Variants in FANCD2 observed in about 807,000 individuals in gnomAD.
FANCD2 encodes the protein FA complementation group D2, also known as Fanconi anemia group D2 protein.
A neutral mutation model predicts 192.3 loss-of-function variants in FANCD2; 131 were observed. That is an observed-to-expected ratio of 0.68 (90% CI 0.59 to 0.79). The LOEUF (loss-of-function observed/expected upper bound fraction) is 0.79, where lower values mean the gene tolerates loss of function less well. FANCD2 is among the 30% of genes least tolerant of loss of function. The pLI is 0.00. For missense variants in FANCD2, 1,508 were observed against 1,701.6 expected (o/e 0.89, Z 2.00); for synonymous variants, 524 against 612.5 (o/e 0.86, Z 2.13).
rs112051825 is a variant in FANCD2, at chr3:10,054,181, C to T, written c.1656+1684C>T. Among the ~76,000 whole-genome samples the T allele has an allele frequency of 5.3e-5, 8 of 151,340 alleles. 1 individual carries two copies. Among genetic ancestry groups the T allele is most frequent in the African/African-American group, 1.9e-4 (8 of 41,156 alleles). ...AAGCCATGTTTGTGCCACTGCACTC[C>T]AGCCAGGGCAACAGAGTGAGACTCT... is the stretch of plus-strand genomic sequence containing the variant. On this transcript the variant is annotated intron_variant, in intron 18 of 43. Coordinates refer to ENST00000675286, the MANE Select transcript of FANCD2 (RefSeq NM_001018115.3).
intron 26 of FANCD2, among the ~76,000 whole-genome samples, chr3:10,069,597 G>C (rs959380016): frequency 1.3e-5 from 2 of 151,464 alleles, no homozygotes; most frequent in East Asian, 1.9e-4. Flanking sequence ...GAGTGCCTGC[G>C]ATTGCAGGCG....
chr3:10,050,167 A>G (rs1026932010), intron 17 of FANCD2, among the ~76,000 whole-genome samples: 24 of 152,204 alleles, frequency 1.6e-4, no homozygotes, highest in Admixed American at 1.3e-4. Flanking sequence ...TCTACTCAGC[A>G]TTGAGAGATA....
At chr3:10,095,152 A>C (rs1241953006) in intron 40 of FANCD2, 48 bp from the exon 41 acceptor site, 1 of 1,498,220 alleles carries the variant, frequency 6.7e-7, no homozygotes, top group Admixed American at 1.7e-5. Flanking sequence ...TGAATCTAAA[A>C]TGAAATCAGG....
intron 32 of FANCD2, among the ~76,000 whole-genome samples, chr3:10,083,308 A>T (rs1455181423): frequency 2.0e-5 from 3 of 152,226 alleles, no homozygotes; most frequent in Admixed American, 6.5e-5. Flanking sequence ...AAAAACAATT[A>T]AAATAAATAC....
intron 33 of FANCD2, 49 bp downstream of exon 33, chr3:10,085,971 G>C (rs764876175): frequency 1.7e-5 from 22 of 1,295,332 alleles, no homozygotes; most frequent in Admixed American, 1.5e-4. Flanking sequence ...AAACTCCTAG[G>C]AACAGGATTG....
chr3:10,036,086 CTTT>C (rs532765216), intron 6 of FANCD2, among the ~76,000 whole-genome samples, 198 bp from the exon 7 acceptor site: 7 of 102,574 alleles, frequency 6.8e-5, no homozygotes, highest in East Asian at 2.4e-4. Flanking sequence ...TTATACATTT[CTTT>C]TTTTTTTTTT....
At chr3:10,037,564 G>A (rs527809853) in intron 7 of FANCD2, 1 of 152,250 alleles carries the variant, frequency 6.6e-6, no homozygotes, top group Non-Finnish European at 1.5e-5. Flanking sequence ...GCTTGCTTTG[G>A]CAGCACGTAT....
chr3:10,055,614 C>T (rs755385600), intron 18 of FANCD2, among the ~76,000 whole-genome samples: 3 of 151,954 alleles, frequency 2.0e-5, no homozygotes, highest in Non-Finnish European at 4.4e-5. Flanking sequence ...AGATCGAGAC[C>T]ATCCTGGCTA....
chr3:10,043,653 A>G (rs1369889340), intron 13 of FANCD2, 61 bp downstream of exon 13: 41 of 1,389,094 alleles, frequency 3.0e-5, no homozygotes, highest in Admixed American at 1.0e-4. Context: ...TGACAGATGT[A>G]TAACTGAGGT....
At chr3:10,096,299 A>T in intron 41 of FANCD2, 27 bp from the exon 42 acceptor site, 1 of 1,612,964 alleles carries the variant, frequency 6.2e-7, no homozygotes, top group Admixed American at 1.7e-5. Flanking sequence ...AACTCACAAA[A>T]GATGGATGTT....
intron 34 of FANCD2, 85 bp from the exon 35 acceptor site, chr3:10,088,364 A>G (rs1694362279): frequency 1.2e-6 from 1 of 864,470 alleles, no homozygotes; most frequent in Non-Finnish European, 2.0e-6. Flanking sequence ...AATCCTTTTG[A>G]TCAATAATCA....
chr3:10,078,004 A>G (rs1693626254), intron 29 of FANCD2, 77 bp from the exon 30 acceptor site: 2 of 1,059,728 alleles, frequency 1.9e-6, no homozygotes, highest in Admixed American at 1.7e-5. Context: ...CTGCACATTT[A>G]ACAAAAAAGA....
chr3:10,058,468 G>T (rs2087476731), intron 18 of FANCD2, among the ~76,000 whole-genome samples: 1 of 152,068 alleles, frequency 6.6e-6, no homozygotes, highest in Non-Finnish European at 1.5e-5. Flanking sequence ...GAAGGTTTTA[G>T]CTCTTAAATT....
intron 18 of FANCD2, 113 bp from the exon 19 acceptor site, chr3:10,060,181 A>T: frequency 1.4e-6 from 1 of 733,576 alleles, no homozygotes; most frequent in Non-Finnish European, 2.3e-6. Flanking sequence ...AAAAAAAAAA[A>T]ACAGTTAGTA....
At chr3:10,054,726 G>A (rs2087357298) in intron 18 of FANCD2, among the ~76,000 whole-genome samples, 1 of 150,200 alleles carries the variant, frequency 6.7e-6, no homozygotes, top group African/African-American at 2.5e-5. Flanking sequence ...CTCATGATCC[G>A]CCAGCCTCGG....
At chr3:10,090,993 G>C (rs1456373278) in intron 37 of FANCD2, among the ~76,000 whole-genome samples, 1 of 151,946 alleles carries the variant, frequency 6.6e-6, no homozygotes, top group Non-Finnish European at 1.5e-5. Flanking sequence ...TGTGGATCTT[G>C]GCAGCCTGCT....
chr3:10,030,671 G>A (rs1256291052), intron 2 of FANCD2, among the ~76,000 whole-genome samples: 4 of 152,190 alleles, frequency 2.6e-5, no homozygotes, highest in East Asian at 1.9e-4. Flanking sequence ...AGGCCAAGGC[G>A]GGCAGATCAC....
intron 43 of FANCD2, chr3:10,099,471 A>G: frequency 2.6e-6 from 1 of 383,186 alleles, no homozygotes; most frequent in Non-Finnish European, 3.8e-6. Flanking sequence ...AAAAAAATGA[A>G]AAATAAACCT....
At chr3:10,047,443 T>A (rs973606753) in intron 15 of FANCD2, among the ~76,000 whole-genome samples, 1 of 152,306 alleles carries the variant, frequency 6.6e-6, no homozygotes, top group East Asian at 1.9e-4. Context: ...TTATTTAGTC[T>A]GGGTCCATTA....
Sources: gnomAD v4.1 joint callset for allele counts (sites outside exome capture counted in the v4.1 genomes callset) on GRCh38, gnomAD v4.1.1 for gene constraint, MANE v1.5 for transcripts, NCBI Gene and HGNC (gene_info 2026-07-23, HGNC 2026-07-21) for gene names.